The following SUN1 variants were observed in gnomAD, a reference collection of about 807,000 sequenced individuals.
SUN1 encodes the protein Sad1 and UNC84 domain containing 1.
Under a neutral mutation model 103.2 loss-of-function variants are expected in SUN1, and 61 were observed. The ratio of observed to expected loss-of-function variants is 0.59; its 90% CI spans 0.48 to 0.73. The LOEUF is 0.73. Among genes scored for constraint, SUN1 ranks in the 30% least tolerant of loss-of-function variants. The pLI is 0.00. For synonymous variants in SUN1, 490 were observed against 425.7 expected, an observed-to-expected ratio of 1.15 and a Z score of -1.86; for missense variants, 1,052 against 1,034.6, an observed-to-expected ratio of 1.02 and a Z score of -0.23.
At chr7:831,056 G>A, upstream of SUN1, 1 of 978,804 alleles carries the variant, frequency 1.0e-6, no homozygotes, top group Non-Finnish European at 1.2e-6. Context: ...CTAGATTTAG[G>A]TGTTGGTTAA....
chr7:871,234 C>T (rs1841445492), intron 17 of SUN1, among the ~76,000 whole-genome samples: 1 of 152,004 alleles, frequency 6.6e-6, no homozygotes, highest in African/African-American at 2.4e-5. Flanking sequence ...AAATTCTAGT[C>T]TTCTTTTTGT....
chr7:838,404 G>A (rs1426401381), intron 1 of SUN1, among the ~76,000 whole-genome samples: 2 of 152,170 alleles, frequency 1.3e-5, no homozygotes, highest in South Asian at 4.1e-4. Flanking sequence ...ATTCTACGGC[G>A]CACTGGTGTA....
At chr7:871,612 T>TC (rs1841763482) in intron 17 of SUN1, among the ~76,000 whole-genome samples, 1 of 152,108 alleles carries the variant, frequency 6.6e-6, no homozygotes, top group Admixed American at 6.5e-5. Context: ...ATGGTCTCAA[T>TC]CTCCTGACCT....
rs941017423 is a variant in SUN1, at chr7:848,287, C to T, written c.659-3097C>T. 7 of 812,208 alleles carry T rather than the reference C, an allele frequency of 8.6e-6. No homozygotes were observed. In the African/African-American group the frequency reaches 1.1e-4, roughly 13 times the overall value. The allele number at this position is 812,208 out of a possible 1,614,324, so 50.3% of individuals were successfully genotyped here. On this transcript the variant is annotated intron_variant, in intron 5 of 18. Transcript: ENST00000401592. The stretch of plus-strand genomic sequence containing the variant: ...TCCCCTGTCCACTGCCAGCTGGGCT[C>T]TTCCCCAAGTGATTATCTTTGGTGT...
Position 874,518 on chromosome 7 carries a change from CGAT to C in SUN1, c.*1189_*1191del, listed in dbSNP as rs1339430747. 2.0e-5 allele frequency: 3 copies of C among 152,534 alleles called. No homozygotes were observed. Among genetic ancestry groups the C allele is most frequent in the Non-Finnish European group, 2.9e-5 (2 of 68,026 alleles). The allele number at this position is 152,534 out of a possible 1,614,324, so 9.4% of individuals were successfully genotyped here. A position where few individuals can be genotyped will look rare whatever the true frequency, so the allele number is the denominator to read the frequency against. On this transcript the variant is annotated 3_prime_UTR_variant, in exon 19 of 19. Coordinates refer to ENST00000401592, the MANE Select transcript of SUN1 (RefSeq NM_001130965.3). ...GTTGTGTTTTCAGAAAAAGACAAAA[CGAT>C]GGTGCTGACTGGTTTTCTGTATATT...
intron 16 of SUN1, chr7:868,982 C>T (rs915201495): frequency 9.5e-6 from 3 of 316,886 alleles, no homozygotes; most frequent in East Asian, 8.8e-5. Context: ...TGGTGTTGGT[C>T]GGATGGGGGG....
intron 10 of SUN1, among the ~76,000 whole-genome samples, chr7:854,163 G>A (rs1257222762): frequency 6.6e-6 from 1 of 152,258 alleles, no homozygotes; most frequent in Non-Finnish European, 1.5e-5. Flanking sequence ...TGAACTGTGT[G>A]TGAATTGAAT....
rs774242247 is a variant in SUN1, at chr7:861,360, C to T, written c.1780-20C>T. On this transcript the variant is annotated intron_variant, in intron 14 of 18. Transcript: ENST00000401592. The stretch of plus-strand genomic sequence containing the variant: ...TCTCCTGTTCTGGTGTTTGGTCTTC[C>T]GTCCCTCGTGTCTGTCCAGCAAGCA... The T allele has an allele frequency of 1.1e-5, 18 of 1,613,728 alleles. No homozygotes were observed. Among genetic ancestry groups the T allele is most frequent in the East Asian group, 6.7e-5 (3 of 44,894 alleles).
chr7:815,668 A>C (rs937570388), upstream of SUN1, among the ~76,000 whole-genome samples: 1 of 152,268 alleles, frequency 6.6e-6, no homozygotes, highest in African/African-American at 2.4e-5. Flanking sequence ...CAGTATTTGC[A>C]AGACGCGGTG....
chr7:842,207 G>A (rs531401094), intron 3 of SUN1, 77 bp downstream of exon 3: 8 of 1,514,010 alleles, frequency 5.3e-6, no homozygotes, highest in Admixed American at 1.9e-5. Flanking sequence ...GAGGGGAGGC[G>A]GTGGCCAGGT....
chr7:837,958 G>T (rs1290737554), intron 1 of SUN1, among the ~76,000 whole-genome samples: 2 of 152,254 alleles, frequency 1.3e-5, no homozygotes, highest in Non-Finnish European at 1.5e-5. Flanking sequence ...ATAGCTTAGT[G>T]CAGTCTCTCT....
intron 15 of SUN1, among the ~76,000 whole-genome samples, chr7:863,308 C>T (rs1271469318): frequency 1.3e-5 from 2 of 148,284 alleles, no homozygotes; most frequent in Non-Finnish European, 3.0e-5. Context: ...CCTTGCTGCC[C>T]GGCGTTCACC....
At chr7:871,253 C>G (rs557098001) in intron 17 of SUN1, among the ~76,000 whole-genome samples, 2 of 152,136 alleles carry the variant, frequency 1.3e-5, no homozygotes, top group Non-Finnish European at 2.9e-5. Flanking sequence ...GTTCATTTAC[C>G]TTTTGGGATC....
rs201254301 is a variant in SUN1, at chr7:854,914, C to A, written c.1264-6C>A. 387 of 1,610,104 alleles carry A rather than the reference C, an allele frequency of 2.4e-4. 5 individuals carry two copies. In the South Asian group the frequency reaches 4.1e-3, roughly 17 times the overall value. On this transcript the variant is annotated splice_region_variant and splice_polypyrimidine_tract_variant and intron_variant, in intron 10 of 18. Coordinates refer to ENST00000401592, the MANE Select transcript of SUN1 (RefSeq NM_001130965.3). ...CATCATTTGTTCACTCCTTCTCTTT[C>A]CTAAGACTGACTTTATGGCCTTTCA... is the stretch of plus-strand genomic sequence containing the variant.
At position 842,012 on chromosome 7, in the gene SUN1, C is replaced by A; in HGVS notation, c.333C>A (p.Val111=). 1 of 1,614,154 alleles carries A rather than the reference C, an allele frequency of 6.2e-7. No individual in the cohort carries two copies. Among genetic ancestry groups the A allele is most frequent in the South Asian group, 1.1e-5 (1 of 91,064 alleles). Residue 111 remains valine (V), a synonymous_variant, in exon 3 of 19, where the codon GTC becomes GTA. Transcript: ENST00000401592. ...AFSINHVSRQ[V]TSSGVSHGGT... ...GTATCAACCACGTGTCAAGGCAGGTCACGTCCTCTGGCGTCAGCCACGGCG... is the reference window on the plus strand; with the variant it reads ...GTATCAACCACGTGTCAAGGCAGGTAACGTCCTCTGGCGTCAGCCACGGCG...
upstream of SUN1, among the ~76,000 whole-genome samples, chr7:827,770 A>T (rs543919275): frequency 6.6e-6 from 1 of 151,338 alleles, no homozygotes; most frequent in African/African-American, 2.4e-5. Context: ...CTGGCCTAAA[A>T]TCCATTTTTT....
chr7:849,861 C>G, intron 5 of SUN1: 1 of 1,522,762 alleles, frequency 6.6e-7, no homozygotes, highest in Non-Finnish European at 8.9e-7. Context: ...CTATGCACGG[C>G]TGAGATGGAC....
chr7:849,535 A>T, intron 5 of SUN1: 1 of 1,381,808 alleles, frequency 7.2e-7, no homozygotes, highest in Non-Finnish European at 9.7e-7. Context: ...GCCAGTTACT[A>T]TGGGAGAATG....
chr7:822,987 C>T (rs942609084), intron 1 of SUN1, among the ~76,000 whole-genome samples: 6 of 152,200 alleles, frequency 3.9e-5, no homozygotes, highest in East Asian at 3.8e-4. Context: ...TGTGGCCACC[C>T]GCGAATTCCC....
Sources: allele counts gnomAD v4.1 joint callset (sites outside exome capture counted in the v4.1 genomes callset), GRCh38; gene constraint gnomAD v4.1.1; transcripts MANE v1.5; gene names NCBI Gene and HGNC (gene_info 2026-07-23, HGNC 2026-07-21).